Variants in ARHGAP28 observed in about 807,000 individuals in gnomAD.
ARHGAP28 encodes the protein rho GTPase-activating protein 28.
In ARHGAP28, 56 loss-of-function variants were observed where a neutral mutation model predicts 90.7. That is an observed-to-expected ratio of 0.62 (90% CI 0.50 to 0.77). The LOEUF (loss-of-function observed/expected upper bound fraction) is 0.77. Ranked by LOEUF, ARHGAP28 falls within the 30% of genes least tolerant of loss-of-function variation. ARHGAP28 has a pLI of 0.00. For missense variants in ARHGAP28, 869 were observed against 900.9 expected (o/e 0.96, Z 0.45); for synonymous variants, 308 against 323.3 (o/e 0.95, Z 0.51).
chr18:6,871,022 G>A (rs535782642), intron 7 of ARHGAP28, among the ~76,000 whole-genome samples: 18 of 152,200 alleles, frequency 1.2e-4, no homozygotes, highest in Admixed American at 5.2e-4. Flanking sequence ...GGATGGTCTC[G>A]ATCTCCTGAC....
At chr18:6,791,326 G>A (rs2056404882) in intron 1 of ARHGAP28, 1 of 152,142 alleles carries the variant, frequency 6.6e-6, no homozygotes, top group Non-Finnish European at 1.5e-5. Context: ...GTGCCCACCA[G>A]ATTAAGGGTG....
At chr18:6,821,682 A>G (rs1158336474) in intron 1 of ARHGAP28, among the ~76,000 whole-genome samples, 1 of 152,170 alleles carries the variant, frequency 6.6e-6, no homozygotes, top group Non-Finnish European at 1.5e-5. Flanking sequence ...AAAGCTGATC[A>G]TTGTGATTAA....
intron 1 of ARHGAP28, among the ~76,000 whole-genome samples, chr18:6,811,568 T>C (rs549119613): frequency 2.3e-4 from 35 of 152,308 alleles, no homozygotes; most frequent in African/African-American, 7.9e-4. Context: ...TAACTAGTCG[T>C]GTTCACTGTG....
chr18:6,793,817 A>G (rs891692843), intron 1 of ARHGAP28, among the ~76,000 whole-genome samples: 1 of 152,008 alleles, frequency 6.6e-6, no homozygotes, highest in Admixed American at 6.6e-5. Context: ...TACAATGTAA[A>G]TAGAAAATAT....
chr18:6,858,765 A>G (rs981474230), intron 4 of ARHGAP28, among the ~76,000 whole-genome samples: 4 of 152,010 alleles, frequency 2.6e-5, no homozygotes, highest in Non-Finnish European at 5.9e-5. Flanking sequence ...TCCTGACCTC[A>G]GGTGATTCTC....
chr18:6,831,206 C>A (rs2056712344), intron 2 of ARHGAP28, among the ~76,000 whole-genome samples: 1 of 152,084 alleles, frequency 6.6e-6, no homozygotes, highest in Non-Finnish European at 1.5e-5. Flanking sequence ...TTTTCTTGTG[C>A]TTATTGTCTT....
intron 1 of ARHGAP28, among the ~76,000 whole-genome samples, chr18:6,776,576 C>T (rs1305773504): frequency 3.3e-5 from 5 of 152,158 alleles, no homozygotes; most frequent in African/African-American, 9.7e-5. Flanking sequence ...GGATTATAGG[C>T]ATGAGCCACC....
chr18:6,743,848 A>G (rs2055999881), intron 1 of ARHGAP28, among the ~76,000 whole-genome samples: 1 of 152,244 alleles, frequency 6.6e-6, no homozygotes, highest in South Asian at 2.1e-4. Flanking sequence ...GTGATATTGG[A>G]TGCTGGGGCT....
Position 6,824,981 on chromosome 18 carries a change from G to A in ARHGAP28, c.325+17G>A. On this transcript the variant is annotated intron_variant, in intron 2 of 17. Coordinates refer to ENST00000383472, the MANE Select transcript of ARHGAP28 (RefSeq NM_001366230.1). The stretch of plus-strand genomic sequence containing the variant: ...CTGTGGATGGTAAGTTGCTGGATTT[G>A]TCTTCCTATGTGCTGACTGGCTTTC... The A allele has an allele frequency of 6.6e-7, 1 of 1,523,926 alleles. No homozygotes were observed. The highest frequency in any genetic ancestry group is 8.8e-7 in the Non-Finnish European group (1 of 1,140,692). The allele number at this position is 1,523,926 out of a possible 1,614,324, so 94.4% of individuals were successfully genotyped here. A position where few individuals can be genotyped will look rare whatever the true frequency, so the allele number is the denominator to read the frequency against.
chr18:6,904,848 C>G (rs1050063072), intron 16 of ARHGAP28, among the ~76,000 whole-genome samples: 3 of 152,034 alleles, frequency 2.0e-5, no homozygotes, highest in African/African-American at 7.2e-5. Flanking sequence ...CCTCAAAAGC[C>G]ACTAATTACC....
intron 1 of ARHGAP28, among the ~76,000 whole-genome samples, chr18:6,757,282 T>C (rs1374239152): frequency 6.6e-6 from 1 of 152,134 alleles, no homozygotes; most frequent in Non-Finnish European, 1.5e-5. Flanking sequence ...AAAACCCTAT[T>C]AGACATTCGC....
chr18:6,876,703 G>A (rs2057133821), intron 10 of ARHGAP28, among the ~76,000 whole-genome samples: 1 of 152,164 alleles, frequency 6.6e-6, no homozygotes, highest in African/African-American at 2.4e-5. Flanking sequence ...AGCTCTTACA[G>A]GAATTTGTAG....
chr18:6,759,687 T>C (rs553005365), intron 1 of ARHGAP28, among the ~76,000 whole-genome samples: 5 of 152,324 alleles, frequency 3.3e-5, no homozygotes, highest in Admixed American at 2.0e-4. Context: ...GTAGCTAAAA[T>C]TGGAACACTT....
chr18:6,911,742 A>G (rs2143889706), intron 17 of ARHGAP28, among the ~76,000 whole-genome samples: 1 of 152,230 alleles, frequency 6.6e-6, no homozygotes, highest in East Asian at 1.9e-4. Context: ...AGCCCTTGCC[A>G]TAATTTTCTA....
At chr18:6,841,200 TCTCCTCTCCTCTCTCTCTCTCTC>T (rs2056820045) in intron 3 of ARHGAP28, among the ~76,000 whole-genome samples, 1 of 62,078 alleles carries the variant, frequency 1.6e-5, no homozygotes, top group African/African-American at 8.7e-5. Flanking sequence ...TCTCTCTCTC[TCTCCTCTCCTCTCTCTCTCTCTC>T]CCCCCAACCC....
intron 2 of ARHGAP28, among the ~76,000 whole-genome samples, chr18:6,826,786 A>G (rs1180903746): frequency 6.7e-6 from 1 of 150,148 alleles, no homozygotes. Context: ...GTCAGCAGAT[A>G]AACAAGTGAA....
At chr18:6,874,428 C>T (rs1684524356) in intron 9 of ARHGAP28, among the ~76,000 whole-genome samples, 1 of 152,048 alleles carries the variant, frequency 6.6e-6, no homozygotes, top group Non-Finnish European at 1.5e-5. Flanking sequence ...TGCTGAATAC[C>T]TGATTTGCTT....
intron 1 of ARHGAP28, among the ~76,000 whole-genome samples, chr18:6,793,961 G>A (rs1404232262): frequency 6.6e-6 from 1 of 152,088 alleles, no homozygotes; most frequent in Admixed American, 6.6e-5. Flanking sequence ...AATAAAATGA[G>A]TGCTTTATTC....
chr18:6,791,673 G>A (rs1177168040), intron 1 of ARHGAP28: 1 of 152,100 alleles, frequency 6.6e-6, no homozygotes, highest in Non-Finnish European at 1.5e-5. Context: ...CCAGAATGGT[G>A]AGTATTTGAA....
Sources: allele counts gnomAD v4.1 joint callset (sites outside exome capture counted in the v4.1 genomes callset), GRCh38; gene constraint gnomAD v4.1.1; transcripts MANE v1.5; gene names NCBI Gene and HGNC (gene_info 2026-07-23, HGNC 2026-07-21).